Variants in SESN1 observed in about 807,000 individuals in gnomAD.
The protein encoded by SESN1 is sestrin-1.
A neutral mutation model predicts 59.3 loss-of-function variants in SESN1; 30 were observed. The observed-to-expected ratio is 0.51, with a 90% confidence interval of 0.38 to 0.69. The LOEUF is 0.69. SESN1 is among the 30% of genes least tolerant of loss of function. The pLI, the probability that SESN1 is intolerant of heterozygous loss-of-function variation, is 0.00. For missense variants in SESN1, 566 were observed against 673.0 expected (o/e 0.84, Z 1.76); for synonymous variants, 197 against 219.9 (o/e 0.90, Z 0.92).
intron 1 of SESN1, among the ~76,000 whole-genome samples, chr6:109,067,625 A>G (rs1404165394): frequency 1.3e-5 from 2 of 152,088 alleles, no homozygotes; most frequent in Non-Finnish European, 2.9e-5. Flanking sequence ...CTCAAATCCT[A>G]TACACACTTC....
rs549516427 is a variant in SESN1, at chr6:109,015,673, ATG to A, written c.280-13332_280-13331del. Among the ~76,000 whole-genome samples, 442 of 152,282 alleles carry A rather than the reference ATG, an allele frequency of 2.9e-3. 5 individuals are homozygous for A. The highest frequency in any genetic ancestry group is 0.01 in the African/African-American group (418 of 41,562). ...ACTATGAGGTCTATGAAAAAGGTGA[ATG>A]TGAGGGGGAAATGGACGGTTAGGAC... On this transcript the variant is annotated intron_variant, in intron 1 of 9. Coordinates refer to ENST00000436639, the MANE Select transcript of SESN1 (RefSeq NM_014454.3).
intron 1 of SESN1, among the ~76,000 whole-genome samples, chr6:109,050,638 A>G (rs910903977): frequency 6.6e-6 from 1 of 152,206 alleles, no homozygotes; most frequent in African/African-American, 2.4e-5. Flanking sequence ...AGGCAGCAGA[A>G]GTTCCCTCCC....
In SESN1 at chr6:109,001,497, ATG is replaced by A; in HGVS notation, c.346-11_346-10del. 6.2e-7 allele frequency: 1 copy of A among 1,603,148 alleles called. No homozygotes were observed. The highest frequency in any genetic ancestry group is 8.5e-7 in the Non-Finnish European group (1 of 1,173,246). On this transcript the variant is annotated splice_polypyrimidine_tract_variant and intron_variant, in intron 2 of 9. Coordinates refer to ENST00000436639, the MANE Select transcript of SESN1 (RefSeq NM_014454.3). ...CTCCCCACTTGGAGGATCTGTATAA[ATG>A]AGAAAAACCATGGTTACTGAAATGG...
At chr6:109,006,480 G>A (rs999130721) in intron 1 of SESN1, among the ~76,000 whole-genome samples, 2 of 138,632 alleles carry the variant, frequency 1.4e-5, no homozygotes, top group Non-Finnish European at 3.0e-5. Flanking sequence ...CCCGGTGTGT[G>A]ATGTTCCCCA....
At chr6:109,090,471 T>C (rs985835558) in intron 1 of SESN1, 5 of 152,218 alleles carry the variant, frequency 3.3e-5, no homozygotes, top group Non-Finnish European at 7.3e-5. Flanking sequence ...ACTGATAATA[T>C]AAACAGTCAA....
chr6:109,010,645 A>G (rs926434110), intron 1 of SESN1, among the ~76,000 whole-genome samples: 5 of 152,314 alleles, frequency 3.3e-5, no homozygotes, highest in African/African-American at 1.2e-4. Flanking sequence ...CTTTTTATTT[A>G]TCTCCTAATA....
At chr6:109,090,126 G>C (rs1236670811) in intron 1 of SESN1, among the ~76,000 whole-genome samples, 1 of 152,210 alleles carries the variant, frequency 6.6e-6, no homozygotes, top group Admixed American at 6.5e-5. Flanking sequence ...ACTGTGCTAT[G>C]CTTTGCAAAC....
At chr6:109,028,737 T>C (rs1281018442) in intron 1 of SESN1, among the ~76,000 whole-genome samples, 1 of 152,142 alleles carries the variant, frequency 6.6e-6, no homozygotes, top group Non-Finnish European at 1.5e-5. Context: ...TAAAAATAAT[T>C]GCCCCGATCT....
chr6:109,006,674 G>GT (rs896636035), intron 1 of SESN1, among the ~76,000 whole-genome samples: 1 of 152,086 alleles, frequency 6.6e-6, no homozygotes, highest in African/African-American at 2.4e-5. Context: ...AGATACCACT[G>GT]TTATTATACA....
chr6:109,004,622 G>A lies in SESN1; in HGVS notation c.280-2279C>T, dbSNP rs146163005. Among the ~76,000 whole-genome samples the A allele has an allele frequency of 7.9e-3, 1,198 of 151,974 alleles. 21 individuals carry two copies. The highest frequency in any genetic ancestry group is 0.028 in the African/African-American group (1,152 of 41,356). ...ATTTTTTGTATTTTTAGTAGAGACA[G>A]GGTTTCACCATGTTAGCCAGGATGG... On this transcript the variant is annotated intron_variant, in intron 1 of 9. Transcript: ENST00000436639.
At chr6:109,077,996 C>G (rs1175465278) in intron 1 of SESN1, among the ~76,000 whole-genome samples, 1 of 152,076 alleles carries the variant, frequency 6.6e-6, no homozygotes. Context: ...ACCAATAACT[C>G]TATTTCTAAA....
chr6:109,020,455 A>G (rs1242359798), intron 1 of SESN1, among the ~76,000 whole-genome samples: 5 of 152,210 alleles, frequency 3.3e-5, no homozygotes, highest in Non-Finnish European at 4.4e-5. Context: ...AAAGGTAGAA[A>G]TATCCAGTGA....
chr6:109,065,084 A>G (rs768602559), intron 1 of SESN1, among the ~76,000 whole-genome samples: 9 of 151,960 alleles, frequency 5.9e-5, no homozygotes, highest in Non-Finnish European at 1.2e-4. Flanking sequence ...CTTATTTCCA[A>G]TCCCTCTCTC....
intron 1 of SESN1, among the ~76,000 whole-genome samples, chr6:109,035,028 G>T (rs896996117): frequency 1.3e-5 from 2 of 152,066 alleles, no homozygotes; most frequent in Middle Eastern, 3.2e-3. Flanking sequence ...TTCTTAATAG[G>T]TTTTTTCCTC....
At chr6:109,041,020 G>T (rs1583283053) in intron 1 of SESN1, among the ~76,000 whole-genome samples, 1 of 151,818 alleles carries the variant, frequency 6.6e-6, no homozygotes, top group East Asian at 1.9e-4. Flanking sequence ...CAAATTGCAG[G>T]CCAGGCACAG....
At position 109,094,457 on chromosome 6, in the gene SESN1, A is replaced by G. The variant is rs573732057; in HGVS notation, c.-384T>C. 5.1e-5 allele frequency: 10 copies of G among 194,358 alleles called. No homozygotes were observed. Among genetic ancestry groups the G allele is most frequent in the Non-Finnish European group, 8.5e-5 (8 of 94,336 alleles). The allele number at this position is 194,358 out of a possible 1,614,324, so 12.0% of individuals were successfully genotyped here. ...GCCCCAAAAGGCTGTTAACAGCTGA[A>G]CGCCCTCCAGCCATTCGGGGCTTTT... On this transcript the variant is annotated 5_prime_UTR_variant, in exon 1 of 10. Transcript: ENST00000436639.
intron 1 of SESN1, among the ~76,000 whole-genome samples, chr6:109,019,532 T>C (rs1779976837): frequency 6.6e-6 from 1 of 152,244 alleles, no homozygotes; most frequent in South Asian, 2.1e-4. Context: ...GTCTAGTCTA[T>C]AACCTAAAGC....
At chr6:109,017,788 G>A (rs1779950782) in intron 1 of SESN1, among the ~76,000 whole-genome samples, 1 of 152,164 alleles carries the variant, frequency 6.6e-6, no homozygotes, top group South Asian at 2.1e-4. Flanking sequence ...CTCTCTAGTT[G>A]TAATCCCTTT....
intron 1 of SESN1, chr6:109,009,051 A>C: frequency 1.1e-6 from 1 of 944,324 alleles, no homozygotes; most frequent in Non-Finnish European, 1.3e-6. Flanking sequence ...CGACAATGTT[A>C]TTTACGTATT....
Sources: gnomAD v4.1 joint callset for allele counts (sites outside exome capture counted in the v4.1 genomes callset) on GRCh38, gnomAD v4.1.1 for gene constraint, MANE v1.5 for transcripts, NCBI Gene and HGNC (gene_info 2026-07-23, HGNC 2026-07-21) for gene names.